Variants in NCOA6 observed in about 807,000 individuals in gnomAD.
NCOA6 encodes the protein nuclear receptor coactivator 6.
Under a neutral mutation model 171.4 loss-of-function variants are expected in NCOA6, and 49 were observed. That is an observed-to-expected ratio of 0.29 (90% CI 0.23 to 0.36). NCOA6 has a LOEUF of 0.36. Ranked by LOEUF, NCOA6 falls within the 10% of genes least tolerant of loss-of-function variation. The pLI is 1.00. For missense variants in NCOA6, 2,248 were observed against 2,554.5 expected, an observed-to-expected ratio of 0.88 and a Z score of 2.59; for synonymous variants, 910 against 927.5, an observed-to-expected ratio of 0.98 and a Z score of 0.34.
At chr20:34,763,146 C>T (rs1307286865) in intron 5 of NCOA6, among the ~76,000 whole-genome samples, 2 of 152,156 alleles carry the variant, frequency 1.3e-5, no homozygotes, top group Admixed American at 6.5e-5. Context: ...TGAGGACTTA[C>T]GTCTTTCATC....
chr20:34,764,801 GTAGT>G (rs2076926614), intron 5 of NCOA6, among the ~76,000 whole-genome samples: 1 of 151,964 alleles, frequency 6.6e-6, no homozygotes, highest in African/African-American at 2.4e-5. Flanking sequence ...TTTAAAGATG[GTAGT>G]TAGACAGTTA....
At chr20:34,786,484 T>C (rs2077684760) in intron 2 of NCOA6, among the ~76,000 whole-genome samples, 1 of 152,202 alleles carries the variant, frequency 6.6e-6, no homozygotes, top group Non-Finnish European at 1.5e-5. Flanking sequence ...TGTGGGCATT[T>C]AGTGCTATAA....
intron 2 of NCOA6, among the ~76,000 whole-genome samples, chr20:34,790,767 A>G (rs1329201268): frequency 6.6e-6 from 1 of 152,172 alleles, no homozygotes; most frequent in East Asian, 1.9e-4. Flanking sequence ...CTCCTGCCTC[A>G]GCCTTCCAAG....
intron 5 of NCOA6, among the ~76,000 whole-genome samples, chr20:34,764,655 A>C (rs1007953365): frequency 3.3e-5 from 5 of 151,960 alleles, no homozygotes; most frequent in African/African-American, 7.2e-5. Context: ...ACTGCACTCC[A>C]GCTTGGGTGA....
chr20:34,717,566 A>G (rs1350307862), intron 14 of NCOA6, among the ~76,000 whole-genome samples: 12 of 152,230 alleles, frequency 7.9e-5, no homozygotes, highest in Non-Finnish European at 1.6e-4. Context: ...TTGTCTTCTC[A>G]AAGGTCATGT....
chr20:34,783,670 C>T (rs2077577189), intron 2 of NCOA6, among the ~76,000 whole-genome samples: 3 of 152,078 alleles, frequency 2.0e-5, no homozygotes, highest in African/African-American at 7.2e-5. Flanking sequence ...TTTGCCCAGG[C>T]TGCACTGCGG....
At chr20:34,792,233 A>G (rs2077909948) in intron 2 of NCOA6, among the ~76,000 whole-genome samples, 1 of 152,162 alleles carries the variant, frequency 6.6e-6, no homozygotes, top group Non-Finnish European at 1.5e-5. Flanking sequence ...GTGAAACCTA[A>G]GATTATCATT....
rs2076425014 is a variant in NCOA6, at chr20:34,750,147, A to C, written c.2048T>G (p.Met683Arg). 3.7e-6 allele frequency: 6 copies of C among 1,613,476 alleles called. No individual in the cohort carries two copies. The highest frequency in any genetic ancestry group is 1.7e-5 in the Admixed American group (1 of 59,976). The change falls in exon 9 of 15, where the codon ATG becomes AGG. Residue 683 changes from methionine (M) to arginine (R), a missense_variant. This residue lies in a region of NCOA6 where 987 missense variants were observed against 1,104.7 expected (regional missense o/e 0.89). Coordinates refer to ENST00000359003, the MANE Select transcript of NCOA6 (RefSeq NM_014071.5). Reference sequence around the variant, plus strand: ...CATTTGTGGGCCCTGCTGGGAAAGCATCTGCTTGGGTGGGGTCATCCTTTG... The same window carrying C: ...CATTTGTGGGCCCTGCTGGGAAAGCCTCTGCTTGGGTGGGGTCATCCTTTG... ...SPQRMTPPKQ[M>R]LSQQGPQMMA...
chr20:34,741,502 G>A lies in NCOA6; in HGVS notation c.4754C>T (p.Ser1585Phe), dbSNP rs1489552928. 1 of 1,614,200 alleles carries A rather than the reference G, an allele frequency of 6.2e-7. No homozygotes were observed. The highest frequency in any genetic ancestry group is 8.5e-7 in the Non-Finnish European group (1 of 1,180,046). The change falls in exon 11 of 15, where the codon TCT becomes TTT. Residue 1585 changes from serine (S) to phenylalanine (F), a missense_variant. Around this residue, in one of 7 missense-constraint regions of NCOA6, gnomAD observed 884 missense variants for 941.9 expected, o/e 0.94. Coordinates refer to ENST00000359003, the MANE Select transcript of NCOA6 (RefSeq NM_014071.5). ...GGGCAAGGGAGTGGAAATGGAGGAA[G>A]AGCTAACAGGTCTTGACATTACTGG... Reference protein sequence around the residue: ...IPPVMSRPVSSSSISTPLPPN... With the variant: ...IPPVMSRPVSFSSISTPLPPN...
At chr20:34,766,005 T>C (rs540631602) in intron 5 of NCOA6, among the ~76,000 whole-genome samples, 2 of 152,290 alleles carry the variant, frequency 1.3e-5, no homozygotes, top group East Asian at 3.9e-4. Context: ...AGTTACTTAT[T>C]ATTGTTTTAG....
chr20:34,770,204 T>C (rs2077105958), intron 4 of NCOA6, among the ~76,000 whole-genome samples: 2 of 152,258 alleles, frequency 1.3e-5, no homozygotes, highest in East Asian at 1.9e-4. Context: ...TACAAGCAGC[T>C]AATTTTTGTA....
At chr20:34,817,393 T>C (rs938818509) in intron 1 of NCOA6, among the ~76,000 whole-genome samples, 1 of 151,952 alleles carries the variant, frequency 6.6e-6, no homozygotes, top group Non-Finnish European at 1.5e-5. Flanking sequence ...ATGAATATTA[T>C]AACTGACATA....
chr20:34,727,456 A>G, intron 13 of NCOA6, 49 bp from the exon 14 acceptor site: 1 of 1,599,982 alleles, frequency 6.3e-7, no homozygotes, highest in Non-Finnish European at 8.5e-7. Flanking sequence ...GAACCAGGCC[A>G]CACAAAAAAC....
rs568858436 is a variant in NCOA6, at chr20:34,717,446, G to A, written c.6149-2081C>T. On this transcript the variant is annotated intron_variant, in intron 14 of 14. Coordinates refer to ENST00000359003, the MANE Select transcript of NCOA6 (RefSeq NM_014071.5). The stretch of plus-strand genomic sequence containing the variant: ...GCTTGGGCAACAAGATTGAGACTCC[G>A]TCTCAAAAAAAATAAAAAAATAAAA... Among the ~76,000 whole-genome samples the A allele has an allele frequency of 5.9e-5, 9 of 152,010 alleles. 1 individual carries two copies. In the South Asian group the frequency reaches 1.5e-3, roughly 25 times the overall value.
chr20:34,746,256 T>G (rs992679935), intron 10 of NCOA6, among the ~76,000 whole-genome samples: 1 of 151,458 alleles, frequency 6.6e-6, no homozygotes, highest in Non-Finnish European at 1.5e-5. Flanking sequence ...TTCATGGTTT[T>G]TTTTTTTTTT....
chr20:34,732,195 G>A (rs2075805517), intron 13 of NCOA6, among the ~76,000 whole-genome samples: 1 of 152,052 alleles, frequency 6.6e-6, no homozygotes, highest in South Asian at 2.1e-4. Context: ...TTGCTTTCAG[G>A]GTCAAACAAC....
chr20:34,736,735 T>C lies in NCOA6; in HGVS notation c.5917A>G (p.Lys1973Glu), dbSNP rs2075970800. 1 of 1,611,672 alleles carries C rather than the reference T, an allele frequency of 6.2e-7. No individual in the cohort carries two copies. Among genetic ancestry groups the C allele is most frequent in the Non-Finnish European group, 8.5e-7 (1 of 1,178,694 alleles). The change falls in exon 12 of 15, where the codon AAG (lysine) becomes GAG (glutamate). Residue 1973 changes from lysine to glutamate, a missense_variant. Around this residue, in one of 7 missense-constraint regions of NCOA6, gnomAD observed 884 missense variants for 941.9 expected, o/e 0.94. Coordinates refer to ENST00000359003, the MANE Select transcript of NCOA6 (RefSeq NM_014071.5). ...TGCAGTGCTGTGGTTGAAGTTTCCT[T>C]TGAGACTAAATTCTGCGACGGGGCT... ...SIAPSQNLVS[K>E]ETSTTALQAS...
At chr20:34,801,214 A>C (rs1330024454) in intron 1 of NCOA6, among the ~76,000 whole-genome samples, 2 of 152,192 alleles carry the variant, frequency 1.3e-5, no homozygotes, top group Non-Finnish European at 2.9e-5. Context: ...AAGCAGGACT[A>C]AGAGGGAAGT....
intron 6 of NCOA6, 93 bp from the exon 7 acceptor site, chr20:34,758,197 A>G (rs2076708969): frequency 2.3e-5 from 34 of 1,464,812 alleles, no homozygotes; most frequent in Non-Finnish European, 3.1e-5. Context: ...ACAGAGCAAA[A>G]TCTGCTGGTA....
Sources: gnomAD v4.1 joint callset for allele counts (sites outside exome capture counted in the v4.1 genomes callset) on GRCh38, gnomAD v4.1.1 for gene constraint, gnomAD v4.1.1 regional missense constraint, MANE v1.5 for transcripts, NCBI Gene and HGNC (gene_info 2026-07-23, HGNC 2026-07-21) for gene names.